BCAS3: variants seen among roughly 807,000 people sequenced by gnomAD.
BCAS3 encodes BCAS4/BCAS3 fusion.
A neutral mutation model predicts 116.1 loss-of-function variants in BCAS3; 53 were observed. That is an observed-to-expected ratio of 0.46 (90% CI 0.37 to 0.57). The LOEUF (loss-of-function observed/expected upper bound fraction) is 0.57. BCAS3 is among the 20% of genes least tolerant of loss of function. The probability of loss-of-function intolerance (pLI) is 0.00; values close to 1 mark genes in which losing one functional copy is unlikely to be tolerated. For synonymous variants in BCAS3, 391 were observed against 408.2 expected (o/e 0.96, Z 0.51); for missense variants, 917 against 1,165.4 (o/e 0.79, Z 3.10).
intron 22 of BCAS3, among the ~76,000 whole-genome samples, chr17:61,253,369 A>G (rs2048519484): frequency 6.6e-6 from 1 of 151,758 alleles, no homozygotes. Flanking sequence ...ATATATATAT[A>G]TAATCAATGT....
At position 61,365,940 on chromosome 17, in the gene BCAS3, C is replaced by A. The variant is rs1270393407; in HGVS notation, c.2426-2387C>A. 2.0e-5 allele frequency among the ~76,000 whole-genome samples: 3 copies of A among 151,986 alleles called. No individual in the cohort carries two copies. Among genetic ancestry groups the A allele is most frequent in the Non-Finnish European group, 2.9e-5 (2 of 68,008 alleles). ...GGTGGATCGTTTGAGATCAGAAGTT[C>A]AAGACCAGCCTGGCCTACATGGTGA... is the stretch of plus-strand genomic sequence containing the variant. On this transcript the variant is annotated intron_variant, in intron 22 of 23. Coordinates refer to ENST00000407086, the MANE Select transcript of BCAS3 (RefSeq NM_017679.5). The surrounding 1 kb of genome is among the most constrained non-coding windows in gnomAD (Gnocchi z 4.6).
At chr17:60,797,085 G>T (rs2047279323) in intron 6 of BCAS3, among the ~76,000 whole-genome samples, 1 of 151,578 alleles carries the variant, frequency 6.6e-6, no homozygotes, top group Admixed American at 6.6e-5. Context: ...TAGTAGAGAT[G>T]GGGTTTCGCC....
intron 6 of BCAS3, among the ~76,000 whole-genome samples, chr17:60,759,442 G>A (rs6503994): frequency 0.73 from 110,321 of 151,980 alleles, 45,748 homozygotes; most frequent in South Asian, 0.98. Context: ...TTCTGTCTGA[G>A]TGATCTGTTT....
chr17:61,081,832 G>T (rs531056711), intron 21 of BCAS3, among the ~76,000 whole-genome samples: 1 of 152,066 alleles, frequency 6.6e-6, no homozygotes, highest in African/African-American at 2.4e-5. Flanking sequence ...ATTTCTACAC[G>T]CCTGTGCATG....
At chr17:60,856,810 G>C (rs2053717033) in intron 7 of BCAS3, among the ~76,000 whole-genome samples, 1 of 151,750 alleles carries the variant, frequency 6.6e-6, no homozygotes, top group South Asian at 2.1e-4. Flanking sequence ...TAAATATTTT[G>C]TTTTATAGTT....
chr17:60,716,141 G>A (rs1256929199), intron 5 of BCAS3, among the ~76,000 whole-genome samples: 7 of 152,328 alleles, frequency 4.6e-5, no homozygotes, highest in East Asian at 1.9e-4. Context: ...GATTACAGGC[G>A]TGAGCCACCG....
intron 22 of BCAS3, among the ~76,000 whole-genome samples, chr17:61,152,190 C>G (rs1050921870): frequency 1.3e-5 from 2 of 152,130 alleles, no homozygotes; most frequent in African/African-American, 2.4e-5. Flanking sequence ...GGAAGGGGAC[C>G]CAAGCAGGTT....
chr17:60,919,881 AAGT>A (rs1357062557), intron 12 of BCAS3, among the ~76,000 whole-genome samples: 1 of 152,112 alleles, frequency 6.6e-6, no homozygotes, highest in Non-Finnish European at 1.5e-5. Context: ...TACTCAGAAA[AAGT>A]AACAGAGGAC....
At chr17:61,237,377 A>G (rs2083143964) in intron 22 of BCAS3, among the ~76,000 whole-genome samples, 1 of 152,342 alleles carries the variant, frequency 6.6e-6, no homozygotes, top group Non-Finnish European at 1.5e-5. Flanking sequence ...GGAGGATTGA[A>G]AAAAGGGCAT....
Position 61,147,306 on chromosome 17 carries a change from C to A in BCAS3, c.2425+62742C>A, listed in dbSNP as rs189924014. The stretch of plus-strand genomic sequence containing the variant: ...GGTCAGGCTGGTCTCAAACTCCTGA[C>A]CTCAGGTAATCCGCCCGCCTCAGCC... On this transcript the variant is annotated intron_variant, in intron 22 of 23. Coordinates refer to ENST00000407086, the MANE Select transcript of BCAS3 (RefSeq NM_017679.5). Among the ~76,000 whole-genome samples the A allele has an allele frequency of 8.9e-4, 135 of 151,890 alleles. 1 individual carries two copies. Among genetic ancestry groups the A allele is most frequent in the Admixed American group, 2.0e-3 (30 of 15,256 alleles).
chr17:60,693,947 G>A (rs1256831606), intron 4 of BCAS3, among the ~76,000 whole-genome samples: 3 of 144,276 alleles, frequency 2.1e-5, no homozygotes, highest in Non-Finnish European at 4.5e-5. Flanking sequence ...GTGCAGTGGC[G>A]TGATCTTGGC....
At chr17:60,871,190 G>A (rs564283208) in intron 8 of BCAS3, among the ~76,000 whole-genome samples, 1 of 152,202 alleles carries the variant, frequency 6.6e-6, no homozygotes, top group Admixed American at 6.5e-5. Flanking sequence ...GGGAGGACTG[G>A]ATCTCACTCT....
Position 61,224,540 on chromosome 17 carries a change from T to G in BCAS3, c.2425+139976T>G, listed in dbSNP as rs1255587063. 1.3e-5 allele frequency among the ~76,000 whole-genome samples: 2 copies of G among 152,196 alleles called. No individual in the cohort carries two copies. Among genetic ancestry groups the G allele is most frequent in the East Asian group, 1.9e-4 (1 of 5,190 alleles). ...AAGGACAGCAAAAGGAGATCCAGTC[T>G]GAGAAATAAGACTATACAGTGTAGT... On this transcript the variant is annotated intron_variant, in intron 22 of 23. Coordinates refer to ENST00000407086, the MANE Select transcript of BCAS3 (RefSeq NM_017679.5). This position sits in a 1 kb window ranked among gnomAD's most constrained non-coding sequence, Gnocchi z 5.7.
intron 6 of BCAS3, among the ~76,000 whole-genome samples, chr17:60,806,128 G>T (rs551873394): frequency 4.6e-5 from 7 of 151,708 alleles, no homozygotes; most frequent in African/African-American, 1.7e-4. Context: ...CACCCGCCTC[G>T]GCCTCCCAAA....
intron 22 of BCAS3, among the ~76,000 whole-genome samples, chr17:61,116,171 G>A (rs1429558464): frequency 6.6e-6 from 1 of 151,872 alleles, no homozygotes; most frequent in Non-Finnish European, 1.5e-5. Flanking sequence ...CAGCGCACCA[G>A]CATGGCACAT....
At chr17:60,805,192 T>A (rs973369403) in intron 6 of BCAS3, among the ~76,000 whole-genome samples, 1 of 152,114 alleles carries the variant, frequency 6.6e-6, no homozygotes, top group Non-Finnish European at 1.5e-5. Flanking sequence ...TTAAAGGTAG[T>A]GTGAATAGTG....
rs1223654970 is a variant in BCAS3, at chr17:61,012,481, T to C, written c.1487-3270T>C. On this transcript the variant is annotated intron_variant, in intron 15 of 23. Transcript: ENST00000407086. This position sits in a 1 kb window ranked among gnomAD's most constrained non-coding sequence, Gnocchi z 4.5. Reference sequence around the variant, plus strand: ...ACTGAAGACTATTAGAGTTAGCTTTTTCTCTGAGTTTGTCTTCTTAGATCT... The same window carrying C: ...ACTGAAGACTATTAGAGTTAGCTTTCTCTCTGAGTTTGTCTTCTTAGATCT... 6.6e-6 allele frequency among the ~76,000 whole-genome samples: 1 copy of C among 152,062 alleles called. No individual in the cohort carries two copies. The highest frequency in any genetic ancestry group is 1.5e-5 in the Non-Finnish European group (1 of 67,950).
intron 22 of BCAS3, among the ~76,000 whole-genome samples, chr17:61,275,740 C>G (rs1310920079): frequency 6.6e-6 from 1 of 152,238 alleles, no homozygotes; most frequent in East Asian, 1.9e-4. Context: ...GACATGTAGC[C>G]CGGCAGGCTG....
chr17:60,981,691 G>A (rs1029199720), intron 14 of BCAS3, among the ~76,000 whole-genome samples: 2 of 152,166 alleles, frequency 1.3e-5, no homozygotes, highest in African/African-American at 4.8e-5. Context: ...TTTGTATAGT[G>A]CTTATTAAGT....
Sources: allele counts gnomAD v4.1 joint callset (sites outside exome capture counted in the v4.1 genomes callset), GRCh38; gene constraint gnomAD v4.1.1; non-coding constraint Gnocchi (gnomAD v3.1); transcripts MANE v1.5; gene names NCBI Gene and HGNC (gene_info 2026-07-23, HGNC 2026-07-21).